The following CCDC170 variants were observed in gnomAD, a reference collection of about 807,000 sequenced individuals.
CCDC170 encodes coiled-coil domain-containing protein 170.
In CCDC170, 69 loss-of-function variants were observed where a neutral mutation model predicts 72.6. That is an observed-to-expected ratio of 0.95 (90% confidence interval 0.78 to 1.16). The LOEUF is 1.16. CCDC170 is among the 50% of genes most tolerant of loss of function. The pLI is 0.00. For synonymous variants in CCDC170, 300 were observed against 303.9 expected (o/e 0.99, Z 0.13); for missense variants, 852 against 832.5 (o/e 1.02, Z -0.29).
At chr6:151,522,893 G>A (rs965655545) in intron 1 of CCDC170, among the ~76,000 whole-genome samples, 51 of 152,282 alleles carry the variant, frequency 3.3e-4, no homozygotes, top group African/African-American at 1.2e-3. Flanking sequence ...TCTATCTGCT[G>A]TCTAGAGAGT....
In CCDC170 at chr6:151,577,305, G is replaced by A. The variant is rs190710011; in HGVS notation, c.1092+3814G>A. On this transcript the variant is annotated intron_variant, in intron 6 of 10. Transcript: ENST00000239374. ...CTTTAGAGACTGCCTAATGTCCGCC[G>A]GGGGTCAAAATTGCCCCCAGTTGAA... Among the ~76,000 whole-genome samples the A allele has an allele frequency of 1.4e-4, 21 of 152,176 alleles. No individual in the cohort carries two copies. In the East Asian group the frequency reaches 3.7e-3, roughly 27 times the overall value.
At chr6:151,570,507 TGTATTTG>T (rs1776202190) in intron 5 of CCDC170, among the ~76,000 whole-genome samples, 1 of 152,164 alleles carries the variant, frequency 6.6e-6, no homozygotes, top group Admixed American at 6.5e-5. Flanking sequence ...GCATTTACAG[TGTATTTG>T]GTATTATAAG....
chr6:151,620,301 T>G lies in CCDC170; in HGVS notation c.*2154T>G, dbSNP rs1482492181. 1 of 150,888 alleles carries G rather than the reference T, an allele frequency of 6.6e-6. No homozygotes were observed. The highest frequency in any genetic ancestry group is 2.4e-5 in the African/African-American group (1 of 40,924). 9.3% of individuals were successfully genotyped at this position (150,888 alleles called of 1,614,324 possible). On this transcript the variant is annotated 3_prime_UTR_variant, in exon 11 of 11. Coordinates refer to ENST00000239374, the MANE Select transcript of CCDC170 (RefSeq NM_025059.4). ...GATGACAGACCACACAGAGGGAGAGTGACCAGGCTTTGCTTGTGGAGCGGG... is the reference window on the plus strand; with the variant it reads ...GATGACAGACCACACAGAGGGAGAGGGACCAGGCTTTGCTTGTGGAGCGGG...
At chr6:151,605,310 G>T (rs1776766623) in intron 9 of CCDC170, among the ~76,000 whole-genome samples, 1 of 152,210 alleles carries the variant, frequency 6.6e-6, no homozygotes, top group Non-Finnish European at 1.5e-5. Flanking sequence ...GTCAATGATT[G>T]GAGCATTGCC....
chr6:151,544,004 G>A (rs796697485), intron 3 of CCDC170, among the ~76,000 whole-genome samples: 16 of 152,256 alleles, frequency 1.1e-4, no homozygotes, highest in African/African-American at 3.6e-4. Flanking sequence ...GAGGGAGTGT[G>A]AAAACTAATA....
At position 151,586,002 on chromosome 6, in the gene CCDC170, G is replaced by C. The variant is rs1366840104; in HGVS notation, c.1206G>C (p.Glu402Asp). 6.2e-7 allele frequency: 1 copy of C among 1,614,080 alleles called. No homozygotes were observed. Among genetic ancestry groups the C allele is most frequent in the South Asian group, 1.1e-5 (1 of 91,086 alleles). Residue 402 changes from glutamate (E) to aspartate (D), a missense_variant, in exon 7 of 11, where the codon GAG (glutamate) becomes GAC (aspartate). Glu to Asp is a conservative substitution (Grantham distance 45). Coordinates refer to ENST00000239374, the MANE Select transcript of CCDC170 (RefSeq NM_025059.4). ...CCCAGAAAGCAGAGAATATGTTGGAGACTCTTCAGGGTCAGCTGACACACC... is the reference window on the plus strand; with the variant it reads ...CCCAGAAAGCAGAGAATATGTTGGACACTCTTCAGGGTCAGCTGACACACC... ...QRAQKAENML[E>D]TLQGQLTHLE...
rs779879061 is a variant in CCDC170 at position 151,548,260 on chromosome 6, A to C, written c.589-44A>C. The stretch of plus-strand genomic sequence containing the variant: ...GTGACTTGCTTAGAGAAAATGATGA[A>C]ATTGTTAATTTTTATAGGACAGCTG... On this transcript the variant is annotated intron_variant, in intron 4 of 10. Transcript: ENST00000239374. The C allele has an allele frequency of 1.2e-5, 17 of 1,457,794 alleles. No homozygotes were observed. The South Asian group carries it at 2.6e-4, about 22-fold the overall frequency. 90.3% of individuals were successfully genotyped at this position (1,457,794 alleles called of 1,614,324 possible). A position where few individuals can be genotyped will look rare whatever the true frequency, so the allele number is the denominator to read the frequency against.
chr6:151,573,579 A>C, intron 6 of CCDC170, 88 bp downstream of exon 6: 29 of 1,243,864 alleles, frequency 2.3e-5, no homozygotes, highest in South Asian at 3.0e-5. Context: ...GTCTATTCTC[A>C]CGCTGCTATA....
At chr6:151,562,567 T>C (rs928723193) in intron 5 of CCDC170, among the ~76,000 whole-genome samples, 1 of 152,190 alleles carries the variant, frequency 6.6e-6, no homozygotes, top group Non-Finnish European at 1.5e-5. Context: ...CTGTAAGAAC[T>C]AATTAGAAAG....
At chr6:151,600,820 C>T (rs745878623) in intron 9 of CCDC170, among the ~76,000 whole-genome samples, 5 of 152,078 alleles carry the variant, frequency 3.3e-5, no homozygotes, top group South Asian at 2.1e-4. Context: ...CAAACATCAC[C>T]GCTATCTAAT....
At chr6:151,523,782 TG>T (rs568641286) in intron 1 of CCDC170, among the ~76,000 whole-genome samples, 316 of 152,288 alleles carry the variant, frequency 2.1e-3, no homozygotes, top group African/African-American at 7.3e-3. Context: ...ATTTTAACAA[TG>T]AATTTCCTGT....
intron 1 of CCDC170, among the ~76,000 whole-genome samples, chr6:151,518,571 G>A (rs1315022441): frequency 7.5e-6 from 1 of 132,934 alleles, no homozygotes; most frequent in Non-Finnish European, 1.7e-5. Flanking sequence ...AGGCAGAGCA[G>A]CCTCGAGGGC....
chr6:151,505,157 G>A (rs1782049164), intron 1 of CCDC170, among the ~76,000 whole-genome samples: 2 of 152,078 alleles, frequency 1.3e-5, no homozygotes, highest in African/African-American at 4.8e-5. Flanking sequence ...TCTACTCCTA[G>A]GAGCTGTGCT....
Position 151,548,313 on chromosome 6 carries a change from C to G in CCDC170, c.598C>G (p.Leu200Val), listed in dbSNP as rs1782809924. 1 of 1,576,146 alleles carries G rather than the reference C, an allele frequency of 6.3e-7. No individual in the cohort carries two copies. Among genetic ancestry groups the G allele is most frequent in the East Asian group, 2.2e-5 (1 of 44,526 alleles). Reference protein sequence around the residue: ...DEDLILKLRDLRKENEFVKGQ... With the variant: ...DEDLILKLRDVRKENEFVKGQ... ...ATTGCTTTCTCTTCAGCTTAGAGAC[C>G]TGCGCAAAGAAAATGAATTCGTGAA... The change falls in exon 5 of 11, where the codon CTG (leucine) becomes GTG (valine). Residue 200 changes from leucine (L) to valine (V), a missense_variant. Transcript: ENST00000239374.
rs144545540 is a variant in CCDC170 at position 151,515,613 on chromosome 6, C to A, written c.58-20705C>A. Among the ~76,000 whole-genome samples, 989 of 152,254 alleles carry A rather than the reference C, an allele frequency of 6.5e-3. 16 individuals are homozygous for A. The highest frequency in any genetic ancestry group is 0.022 in the African/African-American group (925 of 41,540). The stretch of plus-strand genomic sequence containing the variant: ...CCAGGTTCTTGTTATATAGATGATG[C>A]CTCCAGGTAGCAGGCTTCAGAGACA... On this transcript the variant is annotated intron_variant, in intron 1 of 10. Transcript: ENST00000239374.
chr6:151,529,181 G>T (rs1449993035), intron 1 of CCDC170, among the ~76,000 whole-genome samples: 1 of 151,970 alleles, frequency 6.6e-6, no homozygotes, highest in Non-Finnish European at 1.5e-5. Context: ...AACAAACAAT[G>T]AATTTATATT....
chr6:151,558,008 G>T (rs1386204619), intron 5 of CCDC170, among the ~76,000 whole-genome samples: 1 of 82,778 alleles, frequency 1.2e-5, no homozygotes, highest in Non-Finnish European at 2.2e-5. Flanking sequence ...GCTGAGGCAG[G>T]AGAATCGCTT....
intron 5 of CCDC170, among the ~76,000 whole-genome samples, chr6:151,563,076 A>G (rs1776068539): frequency 6.6e-6 from 1 of 152,114 alleles, no homozygotes; most frequent in South Asian, 2.1e-4. Flanking sequence ...CTTCCCCCAG[A>G]CCAGAGCAGG....
At chr6:151,599,817 G>A (rs552396150) in intron 9 of CCDC170, among the ~76,000 whole-genome samples, 108 of 152,304 alleles carry the variant, frequency 7.1e-4, no homozygotes, top group African/African-American at 2.1e-3. Flanking sequence ...CTGAGAATAA[G>A]TCAGATTTCA....
Sources: allele counts gnomAD v4.1 joint callset (sites outside exome capture counted in the v4.1 genomes callset), GRCh38; gene constraint gnomAD v4.1.1; transcripts MANE v1.5; gene names NCBI Gene and HGNC (gene_info 2026-07-23, HGNC 2026-07-21).